FHIT: variants seen among roughly 807,000 people sequenced by gnomAD.
The protein encoded by FHIT is fragile histidine triad diadenosine triphosphatase.
A neutral mutation model predicts 17.9 loss-of-function variants in FHIT; 19 were observed. The observed-to-expected ratio is 1.06, with a 90% CI of 0.74 to 1.56. FHIT has a LOEUF of 1.56. Among genes scored for constraint, FHIT ranks in the 40% most tolerant of loss-of-function variants. The pLI is 0.00. For synonymous variants in FHIT, 81 were observed against 69.7 expected (o/e 1.16, Z -0.81); for missense variants, 248 against 189.2 (o/e 1.31, Z -1.82).
intron 5 of FHIT, among the ~76,000 whole-genome samples, chr3:60,081,357 T>C (rs1351642577): frequency 1.3e-5 from 2 of 152,100 alleles, no homozygotes; most frequent in Admixed American, 6.6e-5. Flanking sequence ...ACAGTATAAA[T>C]GGGTGTCTTC....
chr3:59,919,782 T>C (rs1575696737), intron 8 of FHIT, among the ~76,000 whole-genome samples: 1 of 152,200 alleles, frequency 6.6e-6, no homozygotes, highest in South Asian at 2.1e-4. Flanking sequence ...AGATGCATAA[T>C]CTAGAGCAAG....
chr3:60,827,062 C>A (rs1040139865), intron 3 of FHIT, among the ~76,000 whole-genome samples: 11 of 151,950 alleles, frequency 7.2e-5, no homozygotes, highest in African/African-American at 2.7e-4. Flanking sequence ...ATTTTTGCTG[C>A]TAATAACTGC....
intron 3 of FHIT, among the ~76,000 whole-genome samples, chr3:60,993,000 G>A (rs754338433): frequency 1.2e-4 from 18 of 152,152 alleles, no homozygotes; most frequent in Non-Finnish European, 8.8e-5. Flanking sequence ...AAGTCCCATC[G>A]CGTGGCATTA....
rs150148329 is a variant in FHIT at position 59,863,702 on chromosome 3, T to A, written c.348+58644A>T. The stretch of plus-strand genomic sequence containing the variant: ...CATCCAGCAGGCAAAATGGATTACA[T>A]AGCTAAGGGTCTGTTCTTCTGAAGT... On this transcript the variant is annotated intron_variant, in intron 8 of 9. Coordinates refer to ENST00000492590, the MANE Select transcript of FHIT (RefSeq NM_002012.4). 4.2e-3 allele frequency among the ~76,000 whole-genome samples: 639 copies of A among 152,304 alleles called. 1 individual carries two copies. Among genetic ancestry groups the A allele is most frequent in the Non-Finnish European group, 7.0e-3 (473 of 68,030 alleles).
At chr3:60,628,876 G>C (rs548472548) in intron 4 of FHIT, among the ~76,000 whole-genome samples, 1 of 152,286 alleles carries the variant, frequency 6.6e-6, no homozygotes, top group African/African-American at 2.4e-5. Context: ...CTGGCAGGCA[G>C]AGTAACACCT....
chr3:60,599,637 T>C (rs2038378735), intron 4 of FHIT, among the ~76,000 whole-genome samples: 1 of 146,200 alleles, frequency 6.8e-6, no homozygotes, highest in African/African-American at 2.5e-5. Context: ...AGTAAGACAA[T>C]ATCACAACTG....
chr3:60,075,934 T>C (rs998707872), intron 5 of FHIT, among the ~76,000 whole-genome samples: 20 of 152,066 alleles, frequency 1.3e-4, no homozygotes, highest in African/African-American at 4.8e-4. Flanking sequence ...TAAGCAAAAG[T>C]ACCTTATTAA....
chr3:60,030,439 T>C (rs1700953841), intron 5 of FHIT, among the ~76,000 whole-genome samples: 1 of 152,180 alleles, frequency 6.6e-6, no homozygotes, highest in South Asian at 2.1e-4. Flanking sequence ...AAGACCAGCA[T>C]ATGGAGCCCA....
At chr3:60,043,201 C>A (rs1199403536) in intron 5 of FHIT, among the ~76,000 whole-genome samples, 1 of 152,206 alleles carries the variant, frequency 6.6e-6, no homozygotes, top group Non-Finnish European at 1.5e-5. Flanking sequence ...CAACCCACAA[C>A]AACGGTGACA....
chr3:59,865,171 C>G (rs1702587224), intron 8 of FHIT, among the ~76,000 whole-genome samples: 1 of 152,168 alleles, frequency 6.6e-6, no homozygotes, highest in Non-Finnish European at 1.5e-5. Flanking sequence ...ATTTTCTAAA[C>G]TGGTGAGTTG....
At chr3:60,696,807 T>A (rs2041122580) in intron 4 of FHIT, among the ~76,000 whole-genome samples, 1 of 152,118 alleles carries the variant, frequency 6.6e-6, no homozygotes, top group Non-Finnish European at 1.5e-5. Context: ...CGACCTTAGG[T>A]TGAAGATGTG....
chr3:60,492,330 A>C (rs2034101306), intron 5 of FHIT, among the ~76,000 whole-genome samples: 1 of 152,212 alleles, frequency 6.6e-6, no homozygotes, highest in Admixed American at 6.5e-5. Context: ...TGTTTCTCAC[A>C]TTTGAGCATT....
At chr3:60,637,282 G>A (rs956693602) in intron 4 of FHIT, among the ~76,000 whole-genome samples, 1 of 152,156 alleles carries the variant, frequency 6.6e-6, no homozygotes, top group Non-Finnish European at 1.5e-5. Flanking sequence ...GTAGAAGTTA[G>A]AGAATTACCT....
intron 5 of FHIT, among the ~76,000 whole-genome samples, chr3:60,399,169 C>A (rs911744804): frequency 6.6e-6 from 1 of 152,090 alleles, no homozygotes; most frequent in Non-Finnish European, 1.5e-5. Context: ...GTATTTATAA[C>A]CTATAAAAAG....
At chr3:60,560,473 T>C (rs2036897480) in intron 4 of FHIT, among the ~76,000 whole-genome samples, 2 of 152,182 alleles carry the variant, frequency 1.3e-5, no homozygotes, top group South Asian at 4.1e-4. Context: ...TTCCCAGTAG[T>C]GCCTGGAAAT....
chr3:60,583,368 G>A (rs533729874), intron 4 of FHIT, among the ~76,000 whole-genome samples: 25 of 151,962 alleles, frequency 1.6e-4, no homozygotes, highest in African/African-American at 5.1e-4. Context: ...GTTGTCAAAC[G>A]TTTTCTGTAA....
chr3:60,073,597 C>T (rs1475251199), intron 5 of FHIT, among the ~76,000 whole-genome samples: 1 of 152,136 alleles, frequency 6.6e-6, no homozygotes, highest in African/African-American at 2.4e-5. Context: ...TCTAACCCCT[C>T]ATCGTTTTCA....
intron 3 of FHIT, among the ~76,000 whole-genome samples, chr3:61,015,194 C>T (rs2032040337): frequency 6.6e-6 from 1 of 151,988 alleles, no homozygotes; most frequent in African/African-American, 2.4e-5. Context: ...GCCTTGATGT[C>T]AGTTAGGGCA....
At chr3:59,861,965 G>C (rs1702424939) in intron 8 of FHIT, among the ~76,000 whole-genome samples, 1 of 151,902 alleles carries the variant, frequency 6.6e-6, no homozygotes, top group Non-Finnish European at 1.5e-5. Context: ...GTACTAGTTG[G>C]ATGATGAATA....
Sources: allele counts gnomAD v4.1 joint callset (sites outside exome capture counted in the v4.1 genomes callset), GRCh38; gene constraint gnomAD v4.1.1; transcripts MANE v1.5; gene names NCBI Gene and HGNC (gene_info 2026-07-23, HGNC 2026-07-21).